NEDD4: variants seen among roughly 807,000 people sequenced by gnomAD.
The protein encoded by NEDD4 is E3 ubiquitin-protein ligase NEDD4.
In NEDD4, 99 loss-of-function variants were observed where a neutral mutation model predicts 144.9. That is an observed-to-expected ratio of 0.68 (90% CI 0.58 to 0.81). The LOEUF (loss-of-function observed/expected upper bound fraction) is 0.81. Ranked by LOEUF, NEDD4 falls within the 30% of genes least tolerant of loss-of-function variation. The pLI is 0.00. For missense variants in NEDD4, 985 were observed against 1,065.9 expected (o/e 0.92, Z 1.06); for synonymous variants, 318 against 350.6 (o/e 0.91, Z 1.04).
intron 2 of NEDD4, among the ~76,000 whole-genome samples, chr15:55,954,999 A>AT (rs1473139019): frequency 6.6e-6 from 1 of 152,084 alleles, no homozygotes; most frequent in East Asian, 1.9e-4. Flanking sequence ...ATTGTATTGC[A>AT]TTGCACTGCA....
intron 2 of NEDD4, among the ~76,000 whole-genome samples, chr15:55,964,107 T>C (rs181337918): frequency 6.6e-6 from 1 of 152,308 alleles, no homozygotes; most frequent in East Asian, 1.9e-4. Flanking sequence ...TTTATTATCC[T>C]GCTTGGTGTT....
intron 5 of NEDD4, among the ~76,000 whole-genome samples, chr15:55,878,079 G>A (rs186241804): frequency 1.6e-3 from 244 of 152,132 alleles, no homozygotes; most frequent in African/African-American, 5.2e-3. Context: ...ATAAAGATCC[G>A]GGTTCAAGGT....
At chr15:55,830,269 G>C (rs2032885684) in intron 28 of NEDD4, among the ~76,000 whole-genome samples, 1 of 152,162 alleles carries the variant, frequency 6.6e-6, no homozygotes, top group African/African-American at 2.4e-5. Context: ...AGCCTGTCTT[G>C]GGACAGCCCA....
intron 5 of NEDD4, among the ~76,000 whole-genome samples, chr15:55,892,624 T>A (rs1170472825): frequency 6.6e-6 from 1 of 150,382 alleles, no homozygotes; most frequent in Admixed American, 6.7e-5. Flanking sequence ...GAGTACAAAA[T>A]CAAAAAGAAA....
At chr15:55,895,392 A>G (rs1206959531) in intron 5 of NEDD4, among the ~76,000 whole-genome samples, 2 of 152,258 alleles carry the variant, frequency 1.3e-5, no homozygotes, top group Non-Finnish European at 2.9e-5. Context: ...TAAGAAACCA[A>G]GGAGCTGAGC....
In NEDD4 at chr15:55,937,009, T is replaced by C. The variant is rs185479837; in HGVS notation, c.238-12310A>G. On this transcript the variant is annotated intron_variant, in intron 4 of 28. Transcript: ENST00000435532. Reference sequence around the variant, plus strand: ...GGTTTCACCATATTGGCCGGGCTGGTCTTGAACTCCTGACCTCAGGCAATC... The same window carrying C: ...GGTTTCACCATATTGGCCGGGCTGGCCTTGAACTCCTGACCTCAGGCAATC... Among the ~76,000 whole-genome samples, 161 of 152,194 alleles carry C rather than the reference T, an allele frequency of 1.1e-3. 1 individual carries two copies. Among genetic ancestry groups the C allele is most frequent in the Admixed American group, 4.3e-3 (66 of 15,270 alleles).
At chr15:55,847,114 G>T in intron 17 of NEDD4, 80 bp from the exon 18 acceptor site, 1 of 824,198 alleles carries the variant, frequency 1.2e-6, no homozygotes, top group South Asian at 1.9e-5. Context: ...TGTATTTTAT[G>T]AACGTAAGGG....
chr15:55,839,055 G>GTC (rs1246452611), intron 21 of NEDD4, among the ~76,000 whole-genome samples: 3 of 151,110 alleles, frequency 2.0e-5, no homozygotes, highest in Non-Finnish European at 4.4e-5. Context: ...TTGAGACAGG[G>GTC]TCTCGCTCTG....
At chr15:55,877,873 T>C (rs2035048265) in intron 5 of NEDD4, among the ~76,000 whole-genome samples, 1 of 152,154 alleles carries the variant, frequency 6.6e-6, no homozygotes, top group Non-Finnish European at 1.5e-5. Flanking sequence ...GTCCCAGATA[T>C]GGTCATTGAG....
At chr15:55,909,939 G>C (rs1224906056) in intron 5 of NEDD4, among the ~76,000 whole-genome samples, 1 of 152,152 alleles carries the variant, frequency 6.6e-6, no homozygotes, top group African/African-American at 2.4e-5. Context: ...AATGAGGTGT[G>C]AATATTCATA....
intron 5 of NEDD4, among the ~76,000 whole-genome samples, chr15:55,890,290 C>A (rs914327235): frequency 3.3e-5 from 5 of 152,094 alleles, no homozygotes; most frequent in Admixed American, 1.3e-4. Flanking sequence ...AACCATTAGA[C>A]AATCAATTTT....
At position 55,915,678 on chromosome 15, in the gene NEDD4, G is replaced by A. The variant is rs779052346; in HGVS notation, c.291+8968C>T. 3.1e-6 allele frequency: 5 copies of A among 1,613,780 alleles called. No individual in the cohort carries two copies. The Admixed American group carries it at 6.7e-5, about 22-fold the overall frequency. On this transcript the variant is annotated intron_variant, in intron 5 of 28. Transcript: ENST00000435532. ...TGTTGTTTCACAGTCTAATGTAGCT[G>A]CTTTTCGTTGGGTGAAATGCACTGA...
At chr15:55,949,628 A>C (rs1468429086) in intron 4 of NEDD4, among the ~76,000 whole-genome samples, 1 of 152,230 alleles carries the variant, frequency 6.6e-6, no homozygotes, top group Non-Finnish European at 1.5e-5. Context: ...GCCATACAAA[A>C]GGATGAGTTC....
At position 55,980,789 on chromosome 15, in the gene NEDD4, T is replaced by C. The variant is rs2037785504; in HGVS notation, c.45+12722A>G. Among the ~76,000 whole-genome samples the C allele has an allele frequency of 2.0e-5, 3 of 151,734 alleles. 1 individual carries two copies. The South Asian group carries it at 6.3e-4, about 32-fold the overall frequency. On this transcript the variant is annotated intron_variant, in intron 1 of 28. Coordinates refer to ENST00000435532, the MANE Select transcript of NEDD4 (RefSeq NM_006154.4). Reference sequence around the variant, plus strand: ...CTAGCATTCATTTTTAGTGTGTGTGTAGGGGTGTGTGTGTGTGTGTGTGTG... The same window carrying C: ...CTAGCATTCATTTTTAGTGTGTGTGCAGGGGTGTGTGTGTGTGTGTGTGTG...
At chr15:55,986,417 G>C (rs1260964822) in intron 1 of NEDD4, among the ~76,000 whole-genome samples, 1 of 152,138 alleles carries the variant, frequency 6.6e-6, no homozygotes, top group Non-Finnish European at 1.5e-5. Flanking sequence ...GTTGGGACAA[G>C]TCAGCATCAT....
intron 2 of NEDD4, among the ~76,000 whole-genome samples, chr15:55,962,837 A>AGT (rs1302249836): frequency 1.3e-5 from 2 of 150,338 alleles, no homozygotes; most frequent in African/African-American, 4.9e-5. Context: ...CCCAGGCTGG[A>AGT]GTGCAATGGT....
At chr15:55,895,632 C>G (rs954871084) in intron 5 of NEDD4, among the ~76,000 whole-genome samples, 1 of 152,108 alleles carries the variant, frequency 6.6e-6, no homozygotes, top group African/African-American at 2.4e-5. Context: ...TGGGCTCTAC[C>G]CCTAGAATTT....
At chr15:55,843,491 T>C (rs1395423310) in intron 18 of NEDD4, among the ~76,000 whole-genome samples, 3 of 152,206 alleles carry the variant, frequency 2.0e-5, no homozygotes, top group East Asian at 3.9e-4. Context: ...GCAGAACTTA[T>C]TGTAAATTTT....
chr15:55,843,619 T>C (rs952187819), intron 18 of NEDD4, among the ~76,000 whole-genome samples: 4 of 151,942 alleles, frequency 2.6e-5, no homozygotes, highest in African/African-American at 4.8e-5. Context: ...GAAGGTTAGC[T>C]CTAAGGAAAA....
Sources: gnomAD v4.1 joint callset for allele counts (sites outside exome capture counted in the v4.1 genomes callset) on GRCh38, gnomAD v4.1.1 for gene constraint, MANE v1.5 for transcripts, NCBI Gene and HGNC (gene_info 2026-07-23, HGNC 2026-07-21) for gene names.